Variants in AP2B1 observed in about 807,000 individuals in gnomAD.
AP2B1 encodes the protein adaptor related protein complex 2 subunit beta 1, also known as AP-2 complex subunit beta.
In AP2B1, 23 loss-of-function variants were observed where a neutral mutation model predicts 102.0. The ratio of observed to expected loss-of-function variants is 0.23; its 90% confidence interval spans 0.16 to 0.32. The LOEUF is 0.32. AP2B1 is among the 10% of genes least tolerant of loss of function. AP2B1 has a pLI of 1.00. For missense variants in AP2B1, 541 were observed against 1,157.4 expected, an observed-to-expected ratio of 0.47 and a Z score of 7.73; for synonymous variants, 381 against 421.2, an observed-to-expected ratio of 0.90 and a Z score of 1.17.
intron 20 of AP2B1, among the ~76,000 whole-genome samples, chr17:35,712,772 T>C (rs587597890): frequency 6.6e-6 from 1 of 152,378 alleles, no homozygotes; most frequent in African/African-American, 2.4e-5. Context: ...AGTGCTATAC[T>C]GAAGAAACCT....
At chr17:35,603,277 G>A (rs908917965) in intron 3 of AP2B1, among the ~76,000 whole-genome samples, 1 of 152,068 alleles carries the variant, frequency 6.6e-6, no homozygotes, top group African/African-American at 2.4e-5. Flanking sequence ...AAGATGTTTA[G>A]CAGTATTAAA....
At position 35,639,766 on chromosome 17, in the gene AP2B1, T is replaced by C. The variant is rs183715972; in HGVS notation, c.1437+6T>C. 1.2e-6 allele frequency: 2 copies of C among 1,612,788 alleles called. No homozygotes were observed. The highest frequency in any genetic ancestry group is 2.2e-5 in the East Asian group (1 of 44,872). ...TTCACGATGAAAGCACCCAGGTAAG[T>C]TCTTGTCTCTTGTCTATCCTAGTAG... On this transcript the variant is annotated splice_donor_region_variant and intron_variant, in intron 11 of 21. Transcript: ENST00000610402.
In AP2B1 at chr17:35,605,930, A is replaced by G. The variant is rs1247753989; in HGVS notation, c.279+90A>G. 43 of 1,525,394 alleles carry G rather than the reference A, an allele frequency of 2.8e-5. No individual in the cohort carries two copies. The Admixed American group carries it at 8.5e-4, about 30-fold the overall frequency. The allele number at this position is 1,525,394 out of a possible 1,614,324, so 94.5% of individuals were successfully genotyped here. A position where few individuals can be genotyped will look rare whatever the true frequency, so the allele number is the denominator to read the frequency against. On this transcript the variant is annotated intron_variant, in intron 4 of 21. Transcript: ENST00000610402. ...GAAGGAGTGTAGGGAAGTGTTGGCA[A>G]TGACTAGGAATGTTCATGTTTTAAG... is the stretch of plus-strand genomic sequence containing the variant.
chr17:35,601,964 A>G lies in AP2B1; in HGVS notation c.143+3629A>G, dbSNP rs971932564. 3.9e-5 allele frequency among the ~76,000 whole-genome samples: 6 copies of G among 152,198 alleles called. No homozygotes were observed. In the East Asian group the frequency reaches 7.7e-4, roughly 20 times the overall value. On this transcript the variant is annotated intron_variant, in intron 3 of 21. Coordinates refer to ENST00000610402, the MANE Select transcript of AP2B1 (RefSeq NM_001030006.2). ...GGCTAATTTTGTATTTTTAGTAGAG[A>G]TGGGGTTTCTGCATGTTGGTCAGGC...
chr17:35,664,702 A>C (rs1466036074), intron 14 of AP2B1, among the ~76,000 whole-genome samples: 1 of 152,234 alleles, frequency 6.6e-6, no homozygotes, highest in Non-Finnish European at 1.5e-5. Context: ...TGTACTAGGC[A>C]TATAGAATGG....
chr17:35,715,027 A>AT (rs1568048316), intron 20 of AP2B1, among the ~76,000 whole-genome samples: 1 of 152,238 alleles, frequency 6.6e-6, no homozygotes, highest in Non-Finnish European at 1.5e-5. Flanking sequence ...CTTGCCATTC[A>AT]TCATACATTT....
chr17:35,697,216 A>G (rs767104728), intron 18 of AP2B1, among the ~76,000 whole-genome samples: 9 of 152,226 alleles, frequency 5.9e-5, no homozygotes, highest in Non-Finnish European at 8.8e-5. Flanking sequence ...GGCAGAGCAA[A>G]TATTAGAAGC....
chr17:35,662,942 C>T (rs943307642), intron 14 of AP2B1, among the ~76,000 whole-genome samples: 2 of 152,130 alleles, frequency 1.3e-5, no homozygotes, highest in Non-Finnish European at 2.9e-5. Context: ...GCTGTGTGCC[C>T]AGCTTGAGTG....
intron 18 of AP2B1, among the ~76,000 whole-genome samples, chr17:35,697,688 C>A (rs7217565): frequency 0.5 from 75,387 of 151,798 alleles, 18,734 homozygotes; most frequent in East Asian, 0.52. Context: ...GCCTGCTGGG[C>A]ACGGTGGCTC....
chr17:35,594,020 G>T lies in AP2B1; in HGVS notation c.-11G>T. The T allele has an allele frequency of 6.3e-7, 1 of 1,581,290 alleles. No individual in the cohort carries two copies. ...TCTCTTGCTATAGGTGCACATTAAA[G>T]ATCCAAAGTCATGACTGACTCCAAG... On this transcript the variant is annotated 5_prime_UTR_variant, in exon 2 of 22. Transcript: ENST00000610402.
rs1411885847 is a variant in AP2B1, at chr17:35,604,157, G to T, written c.144-1548G>T. ...GGGTCTCTCTCTGTTCCTCAGGCTG[G>T]TGTGCAGTGGCATGTTCGTGGCTCA... On this transcript the variant is annotated intron_variant, in intron 3 of 21. Transcript: ENST00000610402. 4.6e-5 allele frequency among the ~76,000 whole-genome samples: 7 copies of T among 151,834 alleles called. No homozygotes were observed. In the East Asian group the frequency reaches 9.6e-4, roughly 21 times the overall value.
intron 5 of AP2B1, among the ~76,000 whole-genome samples, chr17:35,623,500 G>A (rs2074239616): frequency 1.3e-5 from 2 of 152,156 alleles, no homozygotes; most frequent in Admixed American, 1.3e-4. Flanking sequence ...GTAGATGAAG[G>A]TTACAGTGAG....
chr17:35,715,736 A>G (rs2076538547), intron 20 of AP2B1, among the ~76,000 whole-genome samples: 4 of 152,260 alleles, frequency 2.6e-5, no homozygotes, highest in Admixed American at 2.0e-4. Flanking sequence ...GCAATATTGC[A>G]TAGATGTACC....
intron 14 of AP2B1, among the ~76,000 whole-genome samples, chr17:35,663,795 C>T (rs925136000): frequency 6.6e-5 from 10 of 152,260 alleles, no homozygotes; most frequent in African/African-American, 2.4e-4. Context: ...TCCCAGGTCC[C>T]TGAGTATATG....
At chr17:35,643,430 A>G (rs1325306591) in intron 12 of AP2B1, among the ~76,000 whole-genome samples, 2 of 152,212 alleles carry the variant, frequency 1.3e-5, no homozygotes, top group African/African-American at 4.8e-5. Context: ...TCTCAACCTT[A>G]TCATCATTGT....
At chr17:35,641,599 C>A (rs1162156447) in intron 11 of AP2B1, among the ~76,000 whole-genome samples, 1 of 152,014 alleles carries the variant, frequency 6.6e-6, no homozygotes, top group Non-Finnish European at 1.5e-5. Flanking sequence ...TAATAATAAA[C>A]ACAGGTAACT....
Position 35,639,595 on chromosome 17 carries a change from G to A in AP2B1, c.1272G>A (p.Lys424=). ...ACCATAGTTCATTTTTTTTCATCAG[G>A]TATGAAAGTATCATCGCCACTCTGT... The part of the protein sequence containing the change: ...IRDIFRKYPN[K]YESIIATLCE... The change falls in exon 11 of 22, where the codon AAG becomes AAA. Residue 424 remains lysine (K), a splice_region_variant and synonymous_variant. Transcript: ENST00000610402. 1.9e-6 allele frequency: 3 copies of A among 1,606,738 alleles called. No homozygotes were observed. Among genetic ancestry groups the A allele is most frequent in the Non-Finnish European group, 2.5e-6 (3 of 1,177,650 alleles).
At chr17:35,708,439 T>A (rs1258932337) in intron 18 of AP2B1, among the ~76,000 whole-genome samples, 11 of 143,286 alleles carry the variant, frequency 7.7e-5, no homozygotes, top group Non-Finnish European at 1.1e-4. Flanking sequence ...ACTGTAGCTT[T>A]AAAAAAAAAA....
chr17:35,600,882 A>G, intron 3 of AP2B1: 1 of 426,460 alleles, frequency 2.3e-6, no homozygotes, highest in Non-Finnish European at 3.1e-6. Context: ...CCAGACGGGG[A>G]GCCCAGATAG....
Sources: allele counts gnomAD v4.1 joint callset (sites outside exome capture counted in the v4.1 genomes callset), GRCh38; gene constraint gnomAD v4.1.1; transcripts MANE v1.5; gene names NCBI Gene and HGNC (gene_info 2026-07-23, HGNC 2026-07-21).